CFAP65: variants seen among roughly 807,000 people sequenced by gnomAD.
The protein encoded by CFAP65 is cilia- and flagella-associated protein 65.
In CFAP65, 155 loss-of-function variants were observed where a neutral mutation model predicts 208.0. That is an observed-to-expected ratio of 0.75 (90% confidence interval 0.65 to 0.85). The LOEUF is 0.85. CFAP65 is among the 40% of genes least tolerant of loss of function. CFAP65 has a pLI of 0.00. For synonymous variants in CFAP65, 970 were observed against 986.3 expected (o/e 0.98, Z 0.31); for missense variants, 2,294 against 2,451.3 (o/e 0.94, Z 1.36).
intron 10 of CFAP65, 78 bp from the exon 11 acceptor site, chr2:219,029,746 A>C (rs1198163995): frequency 7.8e-6 from 12 of 1,540,178 alleles, no homozygotes; most frequent in Admixed American, 3.5e-5. Context: ...TGGTACTCTC[A>C]GGGCCAGGCT....
chr2:219,027,235 A>G (rs1947690434), intron 13 of CFAP65: 1 of 1,333,934 alleles, frequency 7.5e-7, no homozygotes, highest in South Asian at 2.2e-5. Flanking sequence ...TTCCATCACA[A>G]TTATCTGGTG....
In CFAP65 at chr2:219,019,862, G is replaced by A. The variant is rs573275315; in HGVS notation, c.3260-143C>T. ...CAGTGGACCCCTCTCGGGCTCTAGG[G>A]CATTTCCAACAACAGCCAGCCCTTG... is the stretch of plus-strand genomic sequence containing the variant. On this transcript the variant is annotated intron_variant, in intron 19 of 34. Transcript: ENST00000341552. 4.5e-5 allele frequency: 29 copies of A among 648,098 alleles called. 1 individual carries two copies. The South Asian group carries it at 5.0e-4, about 11-fold the overall frequency. The allele number at this position is 648,098 out of a possible 1,614,324, so 40.1% of individuals were successfully genotyped here.
chr2:219,031,086 G>A lies in CFAP65; in HGVS notation c.1015+20C>T, dbSNP rs200712565. 798 of 1,567,100 alleles carry A rather than the reference G, an allele frequency of 5.1e-4. 6 individuals are homozygous for A. The highest frequency in any genetic ancestry group is 2.8e-3 in the Middle Eastern group (16 of 5,620). On this transcript the variant is annotated intron_variant, in intron 8 of 34. Coordinates refer to ENST00000341552, the MANE Select transcript of CFAP65 (RefSeq NM_194302.4). The surrounding 1 kb of genome is among the most constrained non-coding windows in gnomAD (Gnocchi z 5.2). ...GTGCAGGAGGGGCCAGTCTGGGGAC[G>A]GTGGGAGGTTGGGCCTCACCCACAG... is the stretch of plus-strand genomic sequence containing the variant.
Position 219,032,456 on chromosome 2 carries a change from G to A in CFAP65, c.645+14C>T. ...AGGTACCTCCCTGCCCTCACTCGCT[G>A]TGGCAGACCTTACCGCCTCCAGAGG... is the stretch of plus-strand genomic sequence containing the variant. On this transcript the variant is annotated intron_variant, in intron 6 of 34. Coordinates refer to ENST00000341552, the MANE Select transcript of CFAP65 (RefSeq NM_194302.4). The surrounding 1 kb of genome is among the most constrained non-coding windows in gnomAD (Gnocchi z 5.5). 1 of 1,571,744 alleles carries A rather than the reference G, an allele frequency of 6.4e-7. No homozygotes were observed. The highest frequency in any genetic ancestry group is 1.9e-5 in the Admixed American group (1 of 53,544).
intron 29 of CFAP65, among the ~76,000 whole-genome samples, chr2:219,008,543 G>A (rs903483732): frequency 6.6e-6 from 1 of 152,156 alleles, no homozygotes; most frequent in African/African-American, 2.4e-5. Flanking sequence ...TCAGAAGTTC[G>A]AGACCAGCCT....
At chr2:219,034,362 C>T (rs2106252844) in intron 5 of CFAP65, 2 of 152,236 alleles carry the variant, frequency 1.3e-5, no homozygotes, top group South Asian at 4.1e-4. Context: ...TCAAGACTTA[C>T]TATTCATAAA....
In CFAP65 at chr2:219,003,577, T is replaced by A. The variant is rs1001341512; in HGVS notation, c.5556-305A>T. On this transcript the variant is annotated intron_variant, in intron 33 of 34. Coordinates refer to ENST00000341552, the MANE Select transcript of CFAP65 (RefSeq NM_194302.4). The surrounding 1 kb of genome is among the most constrained non-coding windows in gnomAD (Gnocchi z 4.4). ...AGTGATGAGAGGGCGCAGAAGGGAC[T>A]GGGTGGGGCCTAGGGAATCCCTACA... Among the ~76,000 whole-genome samples, 2 of 152,274 alleles carry A rather than the reference T, an allele frequency of 1.3e-5. No individual in the cohort carries two copies. The highest frequency in any genetic ancestry group is 3.9e-4 in the East Asian group (2 of 5,176).
chr2:219,031,371 G>A lies in CFAP65; in HGVS notation c.816-66C>T. On this transcript the variant is annotated intron_variant, in intron 7 of 34. Coordinates refer to ENST00000341552, the MANE Select transcript of CFAP65 (RefSeq NM_194302.4). This position sits in a 1 kb window ranked among gnomAD's most constrained non-coding sequence, Gnocchi z 5.2. The stretch of plus-strand genomic sequence containing the variant: ...CCTGCTCCTGCAGTAGCAAGTCAGG[G>A]ATGCTGGGCAGAACCTCAGACTACC... The A allele has an allele frequency of 6.2e-7, 1 of 1,605,142 alleles. No homozygotes were observed.
chr2:219,032,340 G>T lies in CFAP65; in HGVS notation c.645+130C>A. ...CTAAGCCCTTGACGGGGCCTCCCAA[G>T]CTGGATTGCTGCTGGAGCGGGCAGC... On this transcript the variant is annotated intron_variant, in intron 6 of 34. Transcript: ENST00000341552. The surrounding 1 kb of genome is among the most constrained non-coding windows in gnomAD (Gnocchi z 5.5). 2.7e-6 allele frequency: 2 copies of T among 733,706 alleles called. No homozygotes were observed. The highest frequency in any genetic ancestry group is 2.2e-6 in the Non-Finnish European group (1 of 453,708). The allele number at this position is 733,706 out of a possible 1,614,324, so 45.4% of individuals were successfully genotyped here. A position where few individuals can be genotyped will look rare whatever the true frequency, so the allele number is the denominator to read the frequency against.
At chr2:219,014,487 C>T (rs531417808) in intron 21 of CFAP65, 10 of 157,572 alleles carry the variant, frequency 6.3e-5, no homozygotes, top group Non-Finnish European at 1.4e-4. Context: ...GATGCCCCAG[C>T]AGGGCTGGCA....
At chr2:219,038,695 C>T in intron 3 of CFAP65, 117 bp from the exon 4 acceptor site, 1 of 1,160,460 alleles carries the variant, frequency 8.6e-7, no homozygotes, top group South Asian at 1.4e-5. Context: ...CCAGCTCTGG[C>T]AACAGGTGCT....
At position 219,009,168 on chromosome 2, in the gene CFAP65, CAGAG is replaced by C. The variant is rs751595949; in HGVS notation, c.4567-18_4567-15del. On this transcript the variant is annotated splice_polypyrimidine_tract_variant and intron_variant, in intron 28 of 34. Coordinates refer to ENST00000341552, the MANE Select transcript of CFAP65 (RefSeq NM_194302.4). The stretch of plus-strand genomic sequence containing the variant: ...CTGCGAGTACAGCTATGGCCCAGGA[CAGAG>C]AGAGAGAAGGCCAAGGTCTGGAGCT... The C allele has an allele frequency of 8.8e-5, 142 of 1,609,210 alleles. No individual in the cohort carries two copies. Among genetic ancestry groups the C allele is most frequent in the Non-Finnish European group, 1.2e-4 (136 of 1,177,100 alleles).
At chr2:219,018,367 G>A (rs1244220689) in intron 21 of CFAP65, 1 of 152,226 alleles carries the variant, frequency 6.6e-6, no homozygotes, top group East Asian at 1.9e-4. Context: ...AGCCTCTGGG[G>A]GAGAAAAGCC....
At chr2:219,039,582 G>A (rs770423088) in intron 2 of CFAP65, among the ~76,000 whole-genome samples, 2 of 152,180 alleles carry the variant, frequency 1.3e-5, no homozygotes, top group Admixed American at 6.5e-5. Context: ...CAATCCACAT[G>A]TGTACTTTAA....
intron 5 of CFAP65, 194 bp downstream of exon 5, chr2:219,035,286 T>C (rs2106257649): frequency 1.3e-6 from 2 of 1,494,378 alleles, no homozygotes; most frequent in South Asian, 2.7e-5. Flanking sequence ...AGGCACACAT[T>C]GGGACACTAT....
At chr2:219,038,768 A>T in intron 3 of CFAP65, 128 bp downstream of exon 3, 1 of 1,169,992 alleles carries the variant, frequency 8.5e-7, no homozygotes, top group Non-Finnish European at 1.2e-6. Flanking sequence ...GAGCCCAGGG[A>T]CTCACCCTCA....
Position 219,021,355 on chromosome 2 carries a change from C to A in CFAP65, c.3131-75G>T. The stretch of plus-strand genomic sequence containing the variant: ...TTCCTCCTGCTCCTTTGTAGATACC[C>A]TTCCCTGGGCACCAGGGGAGGACAG... On this transcript the variant is annotated intron_variant, in intron 18 of 34. Coordinates refer to ENST00000341552, the MANE Select transcript of CFAP65 (RefSeq NM_194302.4). 2.8e-6 allele frequency: 4 copies of A among 1,443,106 alleles called. No individual in the cohort carries two copies. In the South Asian group the frequency reaches 4.8e-5, roughly 17 times the overall value. 89.4% of individuals were successfully genotyped at this position (1,443,106 alleles called of 1,614,324 possible).
chr2:219,010,472 C>A (rs1946397208), intron 26 of CFAP65, 74 bp downstream of exon 26: 1 of 1,500,834 alleles, frequency 6.7e-7, no homozygotes, highest in Non-Finnish European at 9.0e-7. Flanking sequence ...GCCTCCCCAT[C>A]CTTCTGTCTG....
In CFAP65 at chr2:219,032,765, C is replaced by A. The variant is rs549230092; in HGVS notation, c.543-193G>T. 2.6e-4 allele frequency among the ~76,000 whole-genome samples: 39 copies of A among 151,904 alleles called. No individual in the cohort carries two copies. Among genetic ancestry groups the A allele is most frequent in the African/African-American group, 8.9e-4 (37 of 41,372 alleles). ...AAGAGGACCCACCCTCCTCCTCCCC[C>A]TCCTATTCTCAGAGATCTTCACTCT... On this transcript the variant is annotated intron_variant, in intron 5 of 34. Coordinates refer to ENST00000341552, the MANE Select transcript of CFAP65 (RefSeq NM_194302.4). The surrounding 1 kb of genome is among the most constrained non-coding windows in gnomAD (Gnocchi z 5.5).
Sources: gnomAD v4.1 joint callset for allele counts (sites outside exome capture counted in the v4.1 genomes callset) on GRCh38, gnomAD v4.1.1 for gene constraint, Gnocchi (gnomAD v3.1) non-coding constraint, MANE v1.5 for transcripts, NCBI Gene and HGNC (gene_info 2026-07-23, HGNC 2026-07-21) for gene names.